The following PCLO variants were observed in gnomAD, a reference collection of about 807,000 sequenced individuals.
PCLO encodes the protein protein piccolo.
PCLO carries 82 observed loss-of-function variants against 427.5 expected under a neutral mutation model. That is an observed-to-expected ratio of 0.19 (90% CI 0.16 to 0.23). The LOEUF (loss-of-function observed/expected upper bound fraction) is 0.23, where lower values mean the gene tolerates loss of function less well. PCLO is among the 10% of genes least tolerant of loss of function. The pLI is 1.00. For missense variants in PCLO, 6,239 were observed against 6,115.9 expected (o/e 1.02, Z -0.67); for synonymous variants, 2,357 against 2,155.4 (o/e 1.09, Z -2.59).
At chr7:82,949,351 T>C in intron 6 of PCLO, 125 bp downstream of exon 6, 1 of 721,830 alleles carries the variant, frequency 1.4e-6, no homozygotes, top group Non-Finnish European at 2.3e-6. Flanking sequence ...TCTAAGGCAA[T>C]AATCTTCACC....
intron 6 of PCLO, among the ~76,000 whole-genome samples, chr7:82,945,946 A>G (rs1795191013): frequency 6.6e-6 from 1 of 152,252 alleles, no homozygotes; most frequent in Non-Finnish European, 1.5e-5. Flanking sequence ...AGCAGAAACT[A>G]ATAAAAGGAT....
intron 20 of PCLO, among the ~76,000 whole-genome samples, chr7:82,810,116 T>C (rs1791538257): frequency 6.7e-6 from 1 of 150,292 alleles, no homozygotes; most frequent in Non-Finnish European, 1.5e-5. Context: ...TGGAGAGCTC[T>C]GGGTTATATT....
At chr7:82,758,791 G>A (rs1026507962) in intron 24 of PCLO, 76 bp from the exon 25 acceptor site, 88 of 867,756 alleles carry the variant, frequency 1.0e-4, no homozygotes, top group Middle Eastern at 4.8e-4. Context: ...CCTTTTTTAA[G>A]GACATTTAAT....
At chr7:82,873,272 C>T (rs759091977) in intron 10 of PCLO, among the ~76,000 whole-genome samples, 3 of 148,516 alleles carry the variant, frequency 2.0e-5, no homozygotes, top group Non-Finnish European at 4.4e-5. Context: ...TGCATCAGAC[C>T]ATGAGAAAGC....
chr7:83,148,886 G>A (rs1025079394), intron 2 of PCLO, among the ~76,000 whole-genome samples: 8 of 152,176 alleles, frequency 5.3e-5, no homozygotes, highest in African/African-American at 1.9e-4. Context: ...TCTCTACTTC[G>A]AATGAGAGAA....
chr7:83,130,051 C>T (rs758449420), intron 3 of PCLO, among the ~76,000 whole-genome samples: 62 of 150,416 alleles, frequency 4.1e-4, no homozygotes, highest in Non-Finnish European at 1.6e-4. Flanking sequence ...CTTTTTATAC[C>T]GACTTTAAAA....
At chr7:82,849,458 T>C (rs1380520508) in intron 10 of PCLO, among the ~76,000 whole-genome samples, 1 of 152,180 alleles carries the variant, frequency 6.6e-6, no homozygotes. Flanking sequence ...TCTTTTATCA[T>C]TGCTTGTTGC....
chr7:82,993,328 C>T (rs1796420726), intron 3 of PCLO, among the ~76,000 whole-genome samples: 1 of 151,844 alleles, frequency 6.6e-6, no homozygotes, highest in South Asian at 2.1e-4. Flanking sequence ...TTTTTAATTA[C>T]AGGATCTTCA....
chr7:83,007,898 C>A (rs1787988051), intron 3 of PCLO, among the ~76,000 whole-genome samples: 1 of 151,586 alleles, frequency 6.6e-6, no homozygotes, highest in Non-Finnish European at 1.5e-5. Context: ...CATGGACATG[C>A]TCAGTAAATG....
At chr7:82,806,237 G>T (rs1437919141) in intron 20 of PCLO, among the ~76,000 whole-genome samples, 2 of 152,038 alleles carry the variant, frequency 1.3e-5, no homozygotes, top group African/African-American at 4.8e-5. Flanking sequence ...GCAAGATAAA[G>T]AAAATTGCTT....
At chr7:82,929,952 A>G (rs1382010118) in intron 6 of PCLO, among the ~76,000 whole-genome samples, 1 of 152,162 alleles carries the variant, frequency 6.6e-6, no homozygotes, top group Non-Finnish European at 1.5e-5. Context: ...ACAAAGATGA[A>G]TGACTCTGGT....
At chr7:83,120,932 T>C (rs1016535600) in intron 3 of PCLO, among the ~76,000 whole-genome samples, 1 of 152,160 alleles carries the variant, frequency 6.6e-6, no homozygotes, top group Admixed American at 6.5e-5. Flanking sequence ...AACAAAAATA[T>C]ATACAGAATA....
intron 17 of PCLO, among the ~76,000 whole-genome samples, chr7:82,827,408 A>G (rs568281408): frequency 2.6e-5 from 4 of 152,054 alleles, no homozygotes; most frequent in South Asian, 2.1e-4. Context: ...TAGCACCACA[A>G]TGCCAGATTC....
intron 3 of PCLO, among the ~76,000 whole-genome samples, chr7:82,974,650 T>A (rs534455407): frequency 6.6e-6 from 1 of 152,340 alleles, no homozygotes; most frequent in African/African-American, 2.4e-5. Context: ...ATTATAAGTG[T>A]GGTATAAAAA....
At chr7:82,872,929 C>T (rs956114575) in intron 10 of PCLO, among the ~76,000 whole-genome samples, 5 of 151,950 alleles carry the variant, frequency 3.3e-5, no homozygotes, top group East Asian at 1.9e-4. Flanking sequence ...ATAAGCAAAA[C>T]GAATCTTATA....
intron 24 of PCLO, among the ~76,000 whole-genome samples, chr7:82,759,056 TA>T (rs1438975046): frequency 3.3e-5 from 5 of 151,908 alleles, no homozygotes; most frequent in Admixed American, 1.3e-4. Flanking sequence ...CTTTGCCAAA[TA>T]ATTTTTTACT....
At chr7:83,087,354 T>C (rs1172600913) in intron 3 of PCLO, among the ~76,000 whole-genome samples, 2 of 152,006 alleles carry the variant, frequency 1.3e-5, no homozygotes, top group Non-Finnish European at 2.9e-5. Context: ...GGGTACAACG[T>C]ACACTACTGG....
chr7:82,767,121 A>G (rs1175782994), intron 22 of PCLO, among the ~76,000 whole-genome samples: 1 of 151,952 alleles, frequency 6.6e-6, no homozygotes, highest in Non-Finnish European at 1.5e-5. Context: ...GAGCCTTTGA[A>G]CAAAACAAAC....
At chr7:82,911,892 A>T (rs1305044175) in intron 7 of PCLO, among the ~76,000 whole-genome samples, 1 of 152,168 alleles carries the variant, frequency 6.6e-6, no homozygotes, top group Admixed American at 6.5e-5. Flanking sequence ...AAGTGCTGGA[A>T]TTACAGGCGT....
Sources: allele counts gnomAD v4.1 joint callset (sites outside exome capture counted in the v4.1 genomes callset), GRCh38; gene constraint gnomAD v4.1.1; transcripts MANE v1.5; gene names NCBI Gene and HGNC (gene_info 2026-07-23, HGNC 2026-07-21).